The following ATR variants were observed in gnomAD, a reference collection of about 807,000 sequenced individuals.
ATR encodes ATR checkpoint kinase.
Under a neutral mutation model 305.3 loss-of-function variants are expected in ATR, and 142 were observed. The ratio of observed to expected loss-of-function variants is 0.47; its 90% CI spans 0.41 to 0.53. The LOEUF (loss-of-function observed/expected upper bound fraction) is 0.53, where lower values mean the gene tolerates loss of function less well. Among genes scored for constraint, ATR ranks in the 20% least tolerant of loss-of-function variants. ATR has a pLI of 0.00. For synonymous variants in ATR, 1,050 were observed against 1,068.1 expected (o/e 0.98, Z 0.33); for missense variants, 2,135 against 3,133.1 (o/e 0.68, Z 7.60).
chr3:142,459,821 C>A (rs1220110340), intron 42 of ATR, among the ~76,000 whole-genome samples: 1 of 152,018 alleles, frequency 6.6e-6, no homozygotes, highest in Non-Finnish European at 1.5e-5. Flanking sequence ...CGTACTTACC[C>A]AAGTGAAGCC....
intron 16 of ATR, among the ~76,000 whole-genome samples, chr3:142,545,918 G>C (rs375408924): frequency 1.3e-5 from 2 of 152,116 alleles, no homozygotes; most frequent in South Asian, 2.1e-4. Flanking sequence ...GATTTCTAAT[G>C]AACATATTAT....
chr3:142,515,635 T>C, intron 24 of ATR, 120 bp from the exon 25 acceptor site: 1 of 1,131,178 alleles, frequency 8.8e-7, no homozygotes. Context: ...TGCAATCTGC[T>C]TACCTTTTTC....
intron 13 of ATR, among the ~76,000 whole-genome samples, chr3:142,552,669 C>CAA (rs143475912): frequency 0.027 from 2,555 of 92,950 alleles, 156 homozygotes; most frequent in African/African-American, 0.089. Context: ...TACTCCATCT[C>CAA]AAAAAAAAAA....
intron 34 of ATR, 74 bp from the exon 35 acceptor site, chr3:142,493,385 A>G: frequency 2.1e-6 from 3 of 1,426,558 alleles, no homozygotes; most frequent in Non-Finnish European, 1.9e-6. Flanking sequence ...GTATTAGTTC[A>G]TTATGTTTTT....
chr3:142,450,885 C>T (rs1027898708), intron 46 of ATR: 15 of 1,288,840 alleles, frequency 1.2e-5, no homozygotes, highest in African/African-American at 7.5e-5. Context: ...GATACCAATA[C>T]GGTGTTAAAA....
At chr3:142,528,879 A>ATTTTTTTTTTTTTTT (rs1170239080) in intron 21 of ATR, among the ~76,000 whole-genome samples, 2 of 30,486 alleles carry the variant, frequency 6.6e-5, no homozygotes, top group Non-Finnish European at 5.0e-5. Context: ...ATATATATAT[A>ATTTTTTTTTTTTTTT]TTTTTTTTTT....
Position 142,453,115 on chromosome 3 carries a change from AC to A in ATR, c.7761+12del. On this transcript the variant is annotated intron_variant, in intron 46 of 46. Transcript: ENST00000350721. ...AGGACTACAGCCCATATCAAGCTAT[AC>A]CTTCTACTAACCTTTTCATTGACAA... 6.2e-7 allele frequency: 1 copy of A among 1,614,024 alleles called. No homozygotes were observed. The highest frequency in any genetic ancestry group is 8.5e-7 in the Non-Finnish European group (1 of 1,179,972).
rs749942139 is a variant in ATR at position 142,562,971 on chromosome 3, A to C, written c.431T>G (p.Val144Gly). Reference protein sequence around the residue: ...FKSKSPAIFGVLTKELLQLFE... With the variant: ...FKSKSPAIFGGLTKELLQLFE... ...AAGTTGTAATAATTCTTTTGTGAGTACCCCAAAAATAGCAGGACTCTTGCT... is the reference window on the plus strand; with the variant it reads ...AAGTTGTAATAATTCTTTTGTGAGTCCCCCAAAAATAGCAGGACTCTTGCT... Residue 144 changes from valine to glycine, a missense_variant, in exon 4 of 47, where the codon GTA (valine) becomes GGA (glycine). Around this residue, in one of 9 missense-constraint regions of ATR, gnomAD observed 744 missense variants for 873.2 expected, o/e 0.85. Coordinates refer to ENST00000350721, the MANE Select transcript of ATR (RefSeq NM_001184.4). 6.2e-6 allele frequency: 10 copies of C among 1,609,634 alleles called. No individual in the cohort carries two copies. The East Asian group carries it at 1.8e-4, about 29-fold the overall frequency.
intron 36 of ATR, among the ~76,000 whole-genome samples, chr3:142,479,145 T>G (rs1273041723): frequency 2.0e-5 from 3 of 152,110 alleles, no homozygotes; most frequent in Non-Finnish European, 2.9e-5. Flanking sequence ...GTTAGCTGGT[T>G]ATTTTGCTCG....
chr3:142,472,085 T>TTTTGTGTGTGTG (rs3223772), intron 36 of ATR: 1 of 144,126 alleles, frequency 6.9e-6, no homozygotes, highest in Non-Finnish European at 1.5e-5. Context: ...TAGTATTCCA[T>TTTTGTGTGTGTG]TGTGTGTGTG....
At chr3:142,507,498 A>G (rs924644544) in intron 28 of ATR, among the ~76,000 whole-genome samples, 13 of 152,188 alleles carry the variant, frequency 8.5e-5, no homozygotes. Flanking sequence ...CGCACCCTCC[A>G]AGAAGTTTGG....
Position 142,576,269 on chromosome 3 carries a change from C to T in ATR, c.59+2377G>A, listed in dbSNP as rs149975177. 5.0e-3 allele frequency among the ~76,000 whole-genome samples: 769 copies of T among 152,288 alleles called. 6 individuals carry two copies. Among genetic ancestry groups the T allele is most frequent in the African/African-American group, 0.018 (734 of 41,564 alleles). The stretch of plus-strand genomic sequence containing the variant: ...ACAGGAGAAGGAACAAATTCAAGGG[C>T]GCAGTAAATCAGGCGTTCTGCTTTG... On this transcript the variant is annotated intron_variant, in intron 1 of 46. Coordinates refer to ENST00000350721, the MANE Select transcript of ATR (RefSeq NM_001184.4).
In ATR at chr3:142,470,331, C is replaced by CT; in HGVS notation, c.6222-149dup. On this transcript the variant is annotated intron_variant, in intron 36 of 46. Coordinates refer to ENST00000350721, the MANE Select transcript of ATR (RefSeq NM_001184.4). ...TTCCTAGAAGTTATTTTTGACTCCT[C>CT]TGTCTCCTTTTTAGCTCACTTAGTT... The CT allele has an allele frequency of 4.4e-6, 3 of 689,206 alleles. No homozygotes were observed. In the East Asian group the frequency reaches 8.2e-5, roughly 19 times the overall value. 42.7% of individuals were successfully genotyped at this position (689,206 alleles called of 1,614,324 possible).
At chr3:142,493,773 G>A (rs566846496) in intron 34 of ATR, among the ~76,000 whole-genome samples, 2 of 152,046 alleles carry the variant, frequency 1.3e-5, no homozygotes, top group East Asian at 3.9e-4. Flanking sequence ...GAGGCTGAGG[G>A]GGAAGGATCG....
At chr3:142,453,768 C>A (rs896204963) in intron 45 of ATR, among the ~76,000 whole-genome samples, 1 of 152,164 alleles carries the variant, frequency 6.6e-6, no homozygotes, top group Non-Finnish European at 1.5e-5. Flanking sequence ...CCCATTTGCC[C>A]TAGACAAAAA....
intron 1 of ATR, among the ~76,000 whole-genome samples, chr3:142,574,017 T>G (rs1330164560): frequency 1.3e-5 from 2 of 152,178 alleles, no homozygotes; most frequent in African/African-American, 4.8e-5. Flanking sequence ...AAGAGGAACA[T>G]GGGAAGAGGA....
chr3:142,502,777 C>G (rs2032040116), intron 30 of ATR, among the ~76,000 whole-genome samples: 1 of 152,236 alleles, frequency 6.6e-6, no homozygotes, highest in Non-Finnish European at 1.5e-5. Flanking sequence ...AGGAATACAG[C>G]TGTCAGCTCT....
chr3:142,526,119 T>G (rs559940851), intron 21 of ATR, among the ~76,000 whole-genome samples: 1 of 152,294 alleles, frequency 6.6e-6, no homozygotes, highest in African/African-American at 2.4e-5. Flanking sequence ...TGTTTTCCTG[T>G]TGCTATTGTA....
At chr3:142,513,433 T>G in intron 26 of ATR, 68 bp downstream of exon 26, 1 of 1,557,172 alleles carries the variant, frequency 6.4e-7, no homozygotes, top group South Asian at 1.1e-5. Flanking sequence ...GTAGCCTTTC[T>G]AATACTAATT....
Sources: allele counts gnomAD v4.1 joint callset (sites outside exome capture counted in the v4.1 genomes callset), GRCh38; gene constraint gnomAD v4.1.1; regional missense constraint gnomAD v4.1.1; transcripts MANE v1.5; gene names NCBI Gene and HGNC (gene_info 2026-07-23, HGNC 2026-07-21).